RMI1: variants seen among roughly 807,000 people sequenced by gnomAD.
The protein encoded by RMI1 is RecQ mediated genome instability 1.
Under a neutral mutation model 46.7 loss-of-function variants are expected in RMI1, and 36 were observed. That is an observed-to-expected ratio of 0.77 (90% confidence interval 0.59 to 1.02). The LOEUF is 1.02. RMI1 is among the 50% of genes least tolerant of loss of function. The pLI is 0.00. For synonymous variants in RMI1, 250 were observed against 252.9 expected, an observed-to-expected ratio of 0.99 and a Z score of 0.11; for missense variants, 676 against 713.7, an observed-to-expected ratio of 0.95 and a Z score of 0.60.
chr9:84,001,192 T>C lies in RMI1; in HGVS notation c.206T>C (p.Leu69Ser). 1 of 1,614,144 alleles carries C rather than the reference T, an allele frequency of 6.2e-7. No individual in the cohort carries two copies. The highest frequency in any genetic ancestry group is 8.5e-7 in the Non-Finnish European group (1 of 1,179,988). Residue 69 changes from leucine to serine, a missense_variant, in exon 3 of 3, where the codon TTA becomes TCA. By Grantham distance (145) the Leu-to-Ser change is moderately radical. Coordinates refer to ENST00000445877, the MANE Select transcript of RMI1 (RefSeq NM_001358291.2). ...CTGAGGGATTTGGAGCATCCTCTTT[T>C]ACCCGATGGCATTTTAGAAATTCCA... ...TDLRDLEHPLLPDGILEIPKG... is the reference protein window; with the variant it reads ...TDLRDLEHPLSPDGILEIPKG...
chr9:83,982,654 C>T (rs1010123322), intron 1 of RMI1, among the ~76,000 whole-genome samples: 5 of 151,598 alleles, frequency 3.3e-5, no homozygotes, highest in Admixed American at 1.3e-4. Context: ...GGCGACAGAG[C>T]GAGACCCTGT....
At position 84,001,286 on chromosome 9, in the gene RMI1, C is replaced by T. The variant is rs754966670; in HGVS notation, c.300C>T (p.Tyr100=). 12 of 1,613,956 alleles carry T rather than the reference C, an allele frequency of 7.4e-6. No homozygotes were observed. The African/African-American group carries it at 1.5e-4, about 20-fold the overall frequency. The change falls in exon 3 of 3, where the codon TAC becomes TAT. Residue 100 remains tyrosine, a synonymous_variant. Coordinates refer to ENST00000445877, the MANE Select transcript of RMI1 (RefSeq NM_001358291.2). ...TGGTTGATGTAAGTCAGCCTGCATACTCCCAGATACAGAAGTTGAGAGGAA... is the reference window on the plus strand; with the variant it reads ...TGGTTGATGTAAGTCAGCCTGCATATTCCCAGATACAGAAGTTGAGAGGAA... The part of the protein sequence containing the change: ...NSLVDVSQPA[Y]SQIQKLRGKN...
chr9:83,991,766 T>C (rs1301753591), intron 1 of RMI1, among the ~76,000 whole-genome samples: 7 of 152,264 alleles, frequency 4.6e-5, no homozygotes, highest in Non-Finnish European at 1.0e-4. Context: ...GAATTACTTC[T>C]ACAACTTTGT....
At chr9:83,983,600 C>T (rs1298589102) in intron 1 of RMI1, among the ~76,000 whole-genome samples, 1 of 152,004 alleles carries the variant, frequency 6.6e-6, no homozygotes. Flanking sequence ...ACTCCTGCCT[C>T]GCTTTTTATT....
intron 1 of RMI1, chr9:83,992,811 A>G (rs1370558976): frequency 6.6e-6 from 1 of 152,006 alleles, no homozygotes; most frequent in African/African-American, 2.4e-5. Flanking sequence ...ATTCTTTAGC[A>G]TTTTCTTCAT....
At position 84,002,364 on chromosome 9, in the gene RMI1, A is replaced by G; in HGVS notation, c.1378A>G (p.Asn460Asp). Residue 460 changes from asparagine (N) to aspartate (D), a missense_variant, in exon 3 of 3, where the codon AAT (asparagine) becomes GAT (aspartate). Coordinates refer to ENST00000445877, the MANE Select transcript of RMI1 (RefSeq NM_001358291.2). Reference sequence around the variant, plus strand: ...ACAGAAAAGGAATTCACAAATTTCTAATGAAAATGATTGTAATTTACAGAG... The same window carrying G: ...ACAGAAAAGGAATTCACAAATTTCTGATGAAAATGATTGTAATTTACAGAG... The part of the protein sequence containing the change: ...YVQKRNSQIS[N>D]ENDCNLQSCS... The G allele has an allele frequency of 6.2e-7, 1 of 1,608,284 alleles. No individual in the cohort carries two copies. The highest frequency in any genetic ancestry group is 1.1e-5 in the South Asian group (1 of 90,868).
intron 1 of RMI1, among the ~76,000 whole-genome samples, chr9:83,987,318 G>T (rs1348556342): frequency 1.3e-5 from 2 of 152,174 alleles, no homozygotes; most frequent in Non-Finnish European, 2.9e-5. Context: ...CTCCCAAAGT[G>T]CTAGGGTTAC....
In RMI1 at chr9:84,001,865, A is replaced by G; in HGVS notation, c.879A>G (p.Pro293=). Residue 293 remains proline (P), a synonymous_variant, in exon 3 of 3, where the codon CCA becomes CCG. Transcript: ENST00000445877. ...SSFEPEFVIS[P]RPKEEPSNLS... is the part of the protein sequence containing the mutation. ...TTGAGCCAGAATTTGTTATTTCTCC[A>G]AGACCAAAAGAGGAACCATCAAACC... is the stretch of plus-strand genomic sequence containing the variant. 6.2e-7 allele frequency: 1 copy of G among 1,614,030 alleles called. No individual in the cohort carries two copies. The highest frequency in any genetic ancestry group is 2.2e-5 in the East Asian group (1 of 44,864).
At chr9:83,996,693 A>C (rs977209751) in intron 1 of RMI1, among the ~76,000 whole-genome samples, 1 of 152,170 alleles carries the variant, frequency 6.6e-6, no homozygotes, top group Non-Finnish European at 1.5e-5. Flanking sequence ...TCTGCTGTAA[A>C]GAAATACCTG....
At chr9:83,981,935 A>T (rs1435128340) in intron 1 of RMI1, among the ~76,000 whole-genome samples, 1 of 152,204 alleles carries the variant, frequency 6.6e-6, no homozygotes, top group Admixed American at 6.5e-5. Context: ...TTCTGGGAGG[A>T]TACGTTAACA....
chr9:83,999,107 G>A (rs7034043), intron 1 of RMI1, among the ~76,000 whole-genome samples: 1 of 151,688 alleles, frequency 6.6e-6, no homozygotes, highest in Non-Finnish European at 1.5e-5. Flanking sequence ...CGCCACTGCA[G>A]TCCACCCTGG....
At chr9:83,987,568 C>G (rs1274757343) in intron 1 of RMI1, among the ~76,000 whole-genome samples, 2 of 152,070 alleles carry the variant, frequency 1.3e-5, no homozygotes, top group Non-Finnish European at 2.9e-5. Context: ...AAACAGATAA[C>G]AGTCATGTAA....
rs1957361332 is a variant in RMI1 at position 83,980,805 on chromosome 9, A to G, written c.-212A>G. 6.6e-6 allele frequency: 1 copy of G among 152,290 alleles called. No homozygotes were observed. The highest frequency in any genetic ancestry group is 1.5e-5 in the Non-Finnish European group (1 of 68,108). 9.4% of individuals were successfully genotyped at this position (152,290 alleles called of 1,614,324 possible). On this transcript the variant is annotated 5_prime_UTR_variant, in exon 1 of 3. Transcript: ENST00000445877. ...ATCGGGCGGGAAGAGGTAAAAAAGG[A>G]ACTGGGAGCGCGCCGCGGCGGTTCC... is the stretch of plus-strand genomic sequence containing the variant.
At chr9:83,983,456 A>G (rs1352025619) in intron 1 of RMI1, among the ~76,000 whole-genome samples, 2 of 152,306 alleles carry the variant, frequency 1.3e-5, no homozygotes, top group East Asian at 3.9e-4. Flanking sequence ...CTCATCCTCA[A>G]TGAATTAAAA....
rs1006832031 is a variant in RMI1 at position 84,002,210 on chromosome 9, A to C, written c.1224A>C (p.Val408=). The change falls in exon 3 of 3, where the codon GTA becomes GTC. Residue 408 remains valine (V), a synonymous_variant. Transcript: ENST00000445877. ...GTATTTTTTCAGTTCATTGTAATGT[A>C]CCCTTAGCCCATGATTTTACAAATA... ...NRSIFSVHCN[V]PLAHDFTNKE... 6.2e-7 allele frequency: 1 copy of C among 1,610,746 alleles called. No homozygotes were observed. Among genetic ancestry groups the C allele is most frequent in the African/African-American group, 1.3e-5 (1 of 74,594 alleles).
At chr9:83,989,950 C>T (rs1482396574) in intron 1 of RMI1, among the ~76,000 whole-genome samples, 1 of 152,150 alleles carries the variant, frequency 6.6e-6, no homozygotes, top group Non-Finnish European at 1.5e-5. Context: ...CTGAATCCAT[C>T]AGCAGACGAA....
chr9:83,996,000 A>G (rs1372441617), intron 1 of RMI1, among the ~76,000 whole-genome samples: 1 of 152,168 alleles, frequency 6.6e-6, no homozygotes, highest in East Asian at 1.9e-4. Context: ...CATTTAAAAA[A>G]CTGTCTTCAG....
intron 1 of RMI1, among the ~76,000 whole-genome samples, chr9:83,986,953 A>G (rs1216466456): frequency 6.6e-6 from 1 of 152,222 alleles, no homozygotes; most frequent in African/African-American, 2.4e-5. Flanking sequence ...TGAAAATTAT[A>G]CTAGGTCCAT....
intron 1 of RMI1, among the ~76,000 whole-genome samples, chr9:83,991,258 A>C (rs1339243200): frequency 1.3e-5 from 2 of 150,258 alleles, no homozygotes; most frequent in African/African-American, 2.4e-5. Flanking sequence ...AGACGTTTTA[A>C]ATTTCTTTCT....
Sources: allele counts gnomAD v4.1 joint callset (sites outside exome capture counted in the v4.1 genomes callset), GRCh38; gene constraint gnomAD v4.1.1; transcripts MANE v1.5; gene names NCBI Gene and HGNC (gene_info 2026-07-23, HGNC 2026-07-21).